Variants in SLC45A2 observed in about 807,000 individuals in gnomAD.
SLC45A2 encodes membrane-associated transporter protein.
A neutral mutation model predicts 45.5 loss-of-function variants in SLC45A2; 36 were observed. The observed-to-expected ratio is 0.79, with a 90% CI of 0.61 to 1.04. The LOEUF is 1.04. Ranked by LOEUF, SLC45A2 falls within the 50% of genes least tolerant of loss-of-function variation. The pLI, the probability that SLC45A2 is intolerant of heterozygous loss-of-function variation, is 0.00. For synonymous variants in SLC45A2, 306 were observed against 269.3 expected, an observed-to-expected ratio of 1.14 and a Z score of -1.33; for missense variants, 719 against 671.0, an observed-to-expected ratio of 1.07 and a Z score of -0.79.
chr5:33,984,258 A>C lies in SLC45A2; in HGVS notation c.326T>G (p.Leu109Arg). The stretch of plus-strand genomic sequence containing the variant: ...CATGCCCACGAGCATCATGACTCCC[A>C]GGGTGAGGATGTAGGGTCTCCGGCG... ...WGRRRPYILT[L>R]GVMMLVGMAL... The change falls in exon 1 of 7, where the codon CTG becomes CGG. Residue 109 changes from leucine to arginine, a missense_variant. Transcript: ENST00000296589. 1.2e-6 allele frequency: 2 copies of C among 1,614,110 alleles called. No individual in the cohort carries two copies. The highest frequency in any genetic ancestry group is 1.7e-6 in the Non-Finnish European group (2 of 1,180,008).
intron 6 of SLC45A2, among the ~76,000 whole-genome samples, chr5:33,945,278 G>T (rs1415702439): frequency 1.3e-5 from 2 of 152,078 alleles, no homozygotes; most frequent in African/African-American, 4.8e-5. Context: ...AAAAACAAGT[G>T]GCGGGCCATA....
At chr5:33,950,869 T>A (rs1195351496) in intron 5 of SLC45A2, among the ~76,000 whole-genome samples, 1 of 152,210 alleles carries the variant, frequency 6.6e-6, no homozygotes, top group Non-Finnish European at 1.5e-5. Flanking sequence ...ACTCAATGTA[T>A]ACAGAGCTTG....
chr5:33,956,213 G>A (rs1451039063), intron 3 of SLC45A2, among the ~76,000 whole-genome samples: 1 of 152,078 alleles, frequency 6.6e-6, no homozygotes, highest in African/African-American at 2.4e-5. Flanking sequence ...TCCACTCAAT[G>A]GGTACCAAAA....
At chr5:33,946,195 A>C in intron 6 of SLC45A2, 1 of 985,424 alleles carries the variant, frequency 1.0e-6, no homozygotes. Flanking sequence ...GTTTTTTATG[A>C]TGACTCTCCC....
chr5:33,978,530 C>G (rs1216869239), intron 2 of SLC45A2, among the ~76,000 whole-genome samples: 1 of 152,140 alleles, frequency 6.6e-6, no homozygotes, highest in East Asian at 1.9e-4. Flanking sequence ...TAACAAGAAC[C>G]TTGGCTTCCA....
chr5:33,964,397 C>G (rs1752543849), intron 2 of SLC45A2, among the ~76,000 whole-genome samples: 1 of 152,218 alleles, frequency 6.6e-6, no homozygotes, highest in South Asian at 2.1e-4. Context: ...ATTCTCTAGA[C>G]TGCTTTTGAA....
Position 33,984,288 on chromosome 5 carries a change from C to CA in SLC45A2, c.295dup (p.Trp99LeufsTer35). The CA allele has an allele frequency of 6.2e-7, 1 of 1,614,184 alleles. No homozygotes were observed. The highest frequency in any genetic ancestry group is 1.3e-5 in the African/African-American group (1 of 75,060). On this transcript the variant is annotated frameshift_variant, in exon 1 of 7. Coordinates refer to ENST00000296589, the MANE Select transcript of SLC45A2 (RefSeq NM_016180.5). LOFTEE classifies it high-confidence loss of function. ...GAGGATGTAGGGTCTCCGGCGGCCC[C>CA]ACCTGGACCGGCAGTGGTCGCTGGC...
intron 2 of SLC45A2, among the ~76,000 whole-genome samples, chr5:33,966,206 G>A (rs1219506594): frequency 6.6e-6 from 1 of 152,196 alleles, no homozygotes; most frequent in African/African-American, 2.4e-5. Flanking sequence ...TTGTATTAGA[G>A]ACTAATTTGG....
At chr5:33,961,983 C>T (rs577867534) in intron 3 of SLC45A2, among the ~76,000 whole-genome samples, 1 of 152,308 alleles carries the variant, frequency 6.6e-6, no homozygotes, top group South Asian at 2.1e-4. Flanking sequence ...TATCCTCTTT[C>T]CTTTCCTTTC....
intron 3 of SLC45A2, among the ~76,000 whole-genome samples, chr5:33,956,346 C>T (rs915074066): frequency 3.9e-5 from 6 of 152,106 alleles, no homozygotes; most frequent in African/African-American, 1.4e-4. Flanking sequence ...CATGGCCTTA[C>T]CAGTATGATC....
intron 2 of SLC45A2, among the ~76,000 whole-genome samples, chr5:33,966,090 C>T (rs944946857): frequency 4.6e-5 from 7 of 152,198 alleles, no homozygotes; most frequent in African/African-American, 1.7e-4. Flanking sequence ...CAGAAGACCC[C>T]TGCTCATTTG....
intron 4 of SLC45A2, among the ~76,000 whole-genome samples, chr5:33,951,990 G>A (rs149480117): frequency 3.3e-5 from 5 of 151,980 alleles, no homozygotes; most frequent in East Asian, 1.9e-4. Flanking sequence ...ACAGCCAATC[G>A]GCTTCTGACT....
chr5:33,974,393 C>G (rs2111992935), intron 2 of SLC45A2, among the ~76,000 whole-genome samples: 1 of 151,956 alleles, frequency 6.6e-6, no homozygotes, highest in East Asian at 1.9e-4. Context: ...GGTAATGAAC[C>G]CTTGGATGCT....
chr5:33,962,627 T>C (rs1041546088), intron 3 of SLC45A2, among the ~76,000 whole-genome samples: 5 of 152,254 alleles, frequency 3.3e-5, no homozygotes, highest in African/African-American at 1.2e-4. Context: ...TTACCTGAAT[T>C]AGCCCCTGCA....
chr5:33,966,878 G>A (rs973490914), intron 2 of SLC45A2, among the ~76,000 whole-genome samples: 26 of 152,186 alleles, frequency 1.7e-4, no homozygotes, highest in African/African-American at 6.3e-4. Flanking sequence ...ACCACACAGA[G>A]GGAAGAAGAG....
intron 3 of SLC45A2, among the ~76,000 whole-genome samples, chr5:33,956,200 C>A (rs1752270653): frequency 1.3e-5 from 2 of 152,098 alleles, no homozygotes; most frequent in Non-Finnish European, 2.9e-5. Flanking sequence ...GTTCAGCAAA[C>A]CTTCCACTCA....
At chr5:33,951,809 T>C in intron 4 of SLC45A2, 132 bp from the exon 5 acceptor site, 2 of 1,105,248 alleles carry the variant, frequency 1.8e-6, no homozygotes, top group East Asian at 2.4e-5. Flanking sequence ...ACAGAGCTGA[T>C]GCTGTCATGA....
At chr5:33,983,031 C>T (rs1176333113) in intron 1 of SLC45A2, among the ~76,000 whole-genome samples, 1 of 152,204 alleles carries the variant, frequency 6.6e-6, no homozygotes, top group Non-Finnish European at 1.5e-5. Flanking sequence ...ACACAGATTG[C>T]TGGCCCCATT....
Position 33,963,515 on chromosome 5 carries a change from C to G in SLC45A2, c.888+176G>C, listed in dbSNP as rs1752508654. 3 of 690,042 alleles carry G rather than the reference C, an allele frequency of 4.3e-6. No homozygotes were observed. In the South Asian group the frequency reaches 5.6e-5, roughly 13 times the overall value. 42.7% of individuals were successfully genotyped at this position (690,042 alleles called of 1,614,324 possible). On this transcript the variant is annotated intron_variant, in intron 3 of 6. Coordinates refer to ENST00000296589, the MANE Select transcript of SLC45A2 (RefSeq NM_016180.5). ...ACCAGAGGAAAATGCAGACATTTTT[C>G]TTTGAGATATAAAATTTTAATTCCA...
Sources: allele counts gnomAD v4.1 joint callset (sites outside exome capture counted in the v4.1 genomes callset), GRCh38; gene constraint gnomAD v4.1.1; transcripts MANE v1.5; gene names NCBI Gene and HGNC (gene_info 2026-07-23, HGNC 2026-07-21).